PCDHA10: variants seen among roughly 807,000 people sequenced by gnomAD.
PCDHA10 encodes protocadherin alpha-10.
Under a neutral mutation model 61.2 loss-of-function variants are expected in PCDHA10, and 45 were observed. That is an observed-to-expected ratio of 0.74 (90% CI 0.58 to 0.94). PCDHA10 has a LOEUF of 0.94. Ranked by LOEUF, PCDHA10 falls within the 40% of genes least tolerant of loss-of-function variation. PCDHA10 has a pLI of 0.00. For synonymous variants in PCDHA10, 602 were observed against 548.8 expected, an observed-to-expected ratio of 1.10 and a Z score of -1.35; for missense variants, 1,278 against 1,236.2, an observed-to-expected ratio of 1.03 and a Z score of -0.51.
chr5:140,947,249 C>T (rs1178030042), intron 1 of PCDHA10, among the ~76,000 whole-genome samples: 3 of 151,204 alleles, frequency 2.0e-5, no homozygotes, highest in African/African-American at 7.3e-5. Flanking sequence ...TAAGATAATC[C>T]AATGTACCAT....
chr5:140,923,959 C>A (rs2153570659), intron 1 of PCDHA10, among the ~76,000 whole-genome samples: 1 of 152,348 alleles, frequency 6.6e-6, no homozygotes, highest in Non-Finnish European at 1.5e-5. Context: ...ACGCCCTAAT[C>A]TATACCCACA....
chr5:140,907,272 C>T (rs1164055585), intron 1 of PCDHA10, among the ~76,000 whole-genome samples: 1 of 152,224 alleles, frequency 6.6e-6, no homozygotes, highest in Non-Finnish European at 1.5e-5. Flanking sequence ...GCCATTCCAT[C>T]ATTCTATCAA....
chr5:140,964,472 T>A (rs1160731930), intron 1 of PCDHA10, among the ~76,000 whole-genome samples: 1 of 152,074 alleles, frequency 6.6e-6, no homozygotes, highest in Non-Finnish European at 1.5e-5. Context: ...GTGCCTATGA[T>A]TTTTTCACAG....
intron 1 of PCDHA10, chr5:140,875,596 G>C (rs1554167787): frequency 1.9e-6 from 3 of 1,613,938 alleles, no homozygotes; most frequent in African/African-American, 2.7e-5. Flanking sequence ...GGCCAAACAC[G>C]GCACCTTCGT....
chr5:140,966,613 A>T, intron 1 of PCDHA10: 1 of 756,596 alleles, frequency 1.3e-6, no homozygotes, highest in Non-Finnish European at 1.9e-6. Flanking sequence ...GGGAGGGCCT[A>T]CGGAGGGAGC....
chr5:140,982,267 A>T, intron 2 of PCDHA10: 4 of 883,458 alleles, frequency 4.5e-6, no homozygotes, highest in Non-Finnish European at 6.5e-6. Context: ...GTGTTCCTGG[A>T]ATAGTATAGC....
Position 140,857,494 on chromosome 5 carries a change from C to A in PCDHA10, c.1446C>A (p.Asp482Glu), listed in dbSNP as rs189056024. ...HIFTVSAWDA[D>E]AQENALVSYS... Reference sequence around the variant, plus strand: ...TCACGGTGTCTGCGTGGGACGCGGACGCGCAGGAGAACGCCCTGGTGTCCT... The same window carrying A: ...TCACGGTGTCTGCGTGGGACGCGGAAGCGCAGGAGAACGCCCTGGTGTCCT... Residue 482 changes from aspartate to glutamate, a missense_variant, in exon 1 of 4, where the codon GAC (aspartate) becomes GAA (glutamate). Physicochemically the swap from Asp to Glu is conservative, Grantham distance 45 (BLOSUM62 2). Coordinates refer to ENST00000307360, the MANE Select transcript of PCDHA10 (RefSeq NM_018901.4). 3.8e-5 allele frequency: 60 copies of A among 1,598,330 alleles called. 2 individuals are homozygous for A. In the East Asian group the frequency reaches 1.2e-3, roughly 32 times the overall value.
Position 140,892,378 on chromosome 5 carries a change from A to G in PCDHA10, c.2388+33942A>G, listed in dbSNP as rs13360703. 4.7e-3 allele frequency among the ~76,000 whole-genome samples: 722 copies of G among 152,344 alleles called. 7 individuals are homozygous for G. Among genetic ancestry groups the G allele is most frequent in the African/African-American group, 0.016 (672 of 41,584 alleles). On this transcript the variant is annotated intron_variant, in intron 1 of 3. Coordinates refer to ENST00000307360, the MANE Select transcript of PCDHA10 (RefSeq NM_018901.4). Reference sequence around the variant, plus strand: ...CAGGCATCTTGGGGCACTAGCAATCATGGGTAATCTTAATCTATTTCAAGC... The same window carrying G: ...CAGGCATCTTGGGGCACTAGCAATCGTGGGTAATCTTAATCTATTTCAAGC...
intron 1 of PCDHA10, chr5:140,871,176 G>T: frequency 6.2e-7 from 1 of 1,613,534 alleles, no homozygotes; most frequent in African/African-American, 1.3e-5. Context: ...CAGAGGCTGC[G>T]CTGGTGGATG....
intron 3 of PCDHA10, among the ~76,000 whole-genome samples, chr5:140,982,811 A>G (rs1024619481): frequency 1.3e-5 from 2 of 150,966 alleles, no homozygotes; most frequent in Non-Finnish European, 1.5e-5. Flanking sequence ...GTGTGTGTGT[A>G]TGAAGTTTTT....
At chr5:140,899,443 G>A (rs1554188558) in intron 1 of PCDHA10, among the ~76,000 whole-genome samples, 4 of 152,210 alleles carry the variant, frequency 2.6e-5, no homozygotes, top group African/African-American at 9.7e-5. Context: ...CATCTATTGA[G>A]ATAATCATGT....
chr5:140,918,334 A>G (rs1419491986), intron 1 of PCDHA10, among the ~76,000 whole-genome samples: 1 of 152,144 alleles, frequency 6.6e-6, no homozygotes, highest in Non-Finnish European at 1.5e-5. Context: ...ATTGTCTGCT[A>G]AGAGAGATAG....
intron 1 of PCDHA10, chr5:140,868,741 A>G: frequency 4.8e-6 from 1 of 208,168 alleles, no homozygotes; most frequent in South Asian, 1.1e-4. Flanking sequence ...GAGAAATACA[A>G]TGCCATTTCC....
chr5:140,892,793 A>G (rs1292583572), intron 1 of PCDHA10, among the ~76,000 whole-genome samples: 1 of 152,224 alleles, frequency 6.6e-6, no homozygotes, highest in Non-Finnish European at 1.5e-5. Context: ...TATGTAAGAA[A>G]TTATAGTTAA....
rs782098088 is a variant in PCDHA10, at chr5:140,856,583, CT to C, written c.537del (p.Asp180IlefsTer3). On this transcript the variant is annotated frameshift_variant, in exon 1 of 4. Transcript: ENST00000307360. LOFTEE classifies it high-confidence loss of function. The part of the protein sequence containing the change: ...YKLSPNEYFV[L>X]DIINKKDKDK... Reference sequence around the variant, plus strand: ...ACTCAGTCCAAATGAGTATTTTGTTCTTGATATTATAAACAAAAAAGACAAA... The same window carrying C: ...ACTCAGTCCAAATGAGTATTTTGTTCTGATATTATAAACAAAAAAGACAAA... The C allele has an allele frequency of 1.3e-6, 2 of 1,597,002 alleles. 1 individual carries two copies. Among genetic ancestry groups the C allele is most frequent in the African/African-American group, 2.7e-5 (2 of 74,388 alleles).
At chr5:140,947,083 A>G (rs1268359945) in intron 1 of PCDHA10, among the ~76,000 whole-genome samples, 2 of 151,728 alleles carry the variant, frequency 1.3e-5, no homozygotes, top group Non-Finnish European at 3.0e-5. Context: ...TTGAAACATC[A>G]GACTGTAGCC....
chr5:140,970,210 C>G (rs184537292), intron 1 of PCDHA10, among the ~76,000 whole-genome samples: 1 of 152,190 alleles, frequency 6.6e-6, no homozygotes, highest in Non-Finnish European at 1.5e-5. Context: ...CTGAATTTAG[C>G]TTAAATGCAG....
At chr5:140,861,610 A>T (rs1268305779) in intron 1 of PCDHA10, 1 of 355,772 alleles carries the variant, frequency 2.8e-6, no homozygotes. Context: ...AACAATAAAG[A>T]CAACCTGCCA....
At chr5:140,927,679 G>A (rs782403424) in intron 1 of PCDHA10, 11 of 1,614,188 alleles carry the variant, frequency 6.8e-6, no homozygotes, top group Non-Finnish European at 5.1e-6. Flanking sequence ...TCCAGATGAA[G>A]GGTCCAATGG....
Sources: gnomAD v4.1 joint callset for allele counts (sites outside exome capture counted in the v4.1 genomes callset) on GRCh38, gnomAD v4.1.1 for gene constraint, MANE v1.5 for transcripts, NCBI Gene and HGNC (gene_info 2026-07-23, HGNC 2026-07-21) for gene names.